The following COL5A1 variants were observed in gnomAD, a reference collection of about 807,000 sequenced individuals.
The protein encoded by COL5A1 is collagen alpha-1(V) chain.
Under a neutral mutation model 263.7 loss-of-function variants are expected in COL5A1, and 16 were observed. That is an observed-to-expected ratio of 0.06 (90% CI 0.04 to 0.09). The LOEUF (loss-of-function observed/expected upper bound fraction) is 0.09, where lower values mean the gene tolerates loss of function less well. Ranked by LOEUF, COL5A1 falls within the 10% of genes least tolerant of loss-of-function variation. COL5A1 has a pLI of 1.00. For synonymous variants in COL5A1, 1,012 were observed against 1,004.5 expected (o/e 1.01, Z -0.14); for missense variants, 2,036 against 2,540.5 (o/e 0.80, Z 4.27).
rs1838938918 is a variant in COL5A1 at position 134,820,217 on chromosome 9, A to T, written c.4548A>T (p.Gly1516=). ...CCCAGGGCTCCTCCGGTCCTAAGGGAGAACAGGTGCGTGAGATGGCACTTC... is the reference window on the plus strand; with the variant it reads ...CCCAGGGCTCCTCCGGTCCTAAGGGTGAACAGGTGCGTGAGATGGCACTTC... ...PGPQGSSGPK[G]EQGITGPSGP... is the part of the protein sequence containing the mutation. The change falls in exon 58 of 66, where the codon GGA becomes GGT. Residue 1516 remains glycine, a synonymous_variant. Transcript: ENST00000371817. 1.9e-6 allele frequency: 3 copies of T among 1,613,098 alleles called. No homozygotes were observed. The highest frequency in any genetic ancestry group is 1.7e-6 in the Non-Finnish European group (2 of 1,179,462).
chr9:134,787,493 C>A (rs1837504779), intron 31 of COL5A1, among the ~76,000 whole-genome samples: 1 of 152,208 alleles, frequency 6.6e-6, no homozygotes, highest in Non-Finnish European at 1.5e-5. Context: ...CAAATAGAGA[C>A]CTGCCAAAGA....
In COL5A1 at chr9:134,772,845, G is replaced by A. The variant is rs753145256; in HGVS notation, c.2331+11G>A. ...GAGAAAGGAGGTCAGGTGGGTGCTCGCCACGCCCTCCTACCCTTCAGCATC... is the reference window on the plus strand; with the variant it reads ...GAGAAAGGAGGTCAGGTGGGTGCTCACCACGCCCTCCTACCCTTCAGCATC... On this transcript the variant is annotated intron_variant, in intron 26 of 65. Coordinates refer to ENST00000371817, the MANE Select transcript of COL5A1 (RefSeq NM_000093.5). The A allele has an allele frequency of 1.1e-5, 18 of 1,613,388 alleles. No homozygotes were observed. Among genetic ancestry groups the A allele is most frequent in the Middle Eastern group, 1.7e-4 (1 of 5,924 alleles).
intron 22 of COL5A1, 45 bp from the exon 23 acceptor site, chr9:134,766,955 A>G: frequency 6.4e-7 from 1 of 1,569,532 alleles, no homozygotes; most frequent in Non-Finnish European, 8.7e-7. Context: ...AAGGGGATAC[A>G]GTTCCCAGAG....
Position 134,758,303 on chromosome 9 carries a change from A to G in COL5A1, c.1935+7A>G. On this transcript the variant is annotated splice_region_variant and intron_variant, in intron 18 of 65. Transcript: ENST00000371817. The surrounding 1 kb of genome is among the most constrained non-coding windows in gnomAD (Gnocchi z 4.1). The stretch of plus-strand genomic sequence containing the variant: ...AGGCGAGAAGGGCCACAGGGTGAGT[A>G]TTTCCTCTGTGAGACACAGGCATGA... 1 of 1,613,798 alleles carries G rather than the reference A, an allele frequency of 6.2e-7. No homozygotes were observed. The highest frequency in any genetic ancestry group is 8.5e-7 in the Non-Finnish European group (1 of 1,179,858).
Position 134,681,598 on chromosome 9 carries a change from G to A in COL5A1, c.110-9314G>A, listed in dbSNP as rs891125871. Reference sequence around the variant, plus strand: ...CCAGAGTGGAATAGCGCTTGGGACTGGGGTGGACTGGGCACTGAGGGTGAC... The same window carrying A: ...CCAGAGTGGAATAGCGCTTGGGACTAGGGTGGACTGGGCACTGAGGGTGAC... On this transcript the variant is annotated intron_variant, in intron 1 of 65. Coordinates refer to ENST00000371817, the MANE Select transcript of COL5A1 (RefSeq NM_000093.5). The surrounding 1 kb of genome is among the most constrained non-coding windows in gnomAD (Gnocchi z 4.3). 1.3e-5 allele frequency among the ~76,000 whole-genome samples: 2 copies of A among 152,160 alleles called. No individual in the cohort carries two copies. The highest frequency in any genetic ancestry group is 2.9e-5 in the Non-Finnish European group (2 of 68,018).
rs1183373137 is a variant in COL5A1 at position 134,835,000 on chromosome 9, T to A, written c.5166T>A (p.Pro1722=). The A allele has an allele frequency of 6.2e-7, 1 of 1,613,724 alleles. No homozygotes were observed. Among genetic ancestry groups the A allele is most frequent in the Non-Finnish European group, 8.5e-7 (1 of 1,180,006 alleles). The change falls in exon 65 of 66, where the codon CCT becomes CCA. Residue 1722 remains proline, a synonymous_variant. Coordinates refer to ENST00000371817, the MANE Select transcript of COL5A1 (RefSeq NM_000093.5). ...LLSYVDAEGN[P]VGVVQMTFLR... ...CCTATGTGGACGCCGAGGGCAACCC[T>A]GTGGGTGTGGTACAGATGACCTTCC...
chr9:134,700,147 G>A lies in COL5A1; in HGVS notation c.491+25G>A. On this transcript the variant is annotated intron_variant, in intron 3 of 65. Transcript: ENST00000371817. The surrounding 1 kb of genome is among the most constrained non-coding windows in gnomAD (Gnocchi z 4.0). ...AGTAAGTGGGCACTTCTGGGCAACT[G>A]TCCCCCTGCTGGAGGGGGGATCAGG... The A allele has an allele frequency of 1.3e-6, 2 of 1,594,768 alleles. No homozygotes were observed. The highest frequency in any genetic ancestry group is 1.3e-5 in the African/African-American group (1 of 74,920).
Position 134,768,446 on chromosome 9 carries a change from G to A in COL5A1, c.2269G>A (p.Gly757Ser), listed in dbSNP as rs1464394247. The change falls in exon 25 of 66, where the codon GGT (glycine) becomes AGT (serine). Residue 757 changes from glycine (G) to serine (S), a missense_variant. By Grantham distance (56) the Gly-to-Ser change is moderately conservative. Transcript: ENST00000371817. The stretch of plus-strand genomic sequence containing the variant: ...GAAACCAGGCCTTCCAGGAATGCCC[G>A]GTGCTGACGGACCCCCGGTGAGTAG... ...LGKPGLPGMP[G>S]ADGPPGHPGK... is the part of the protein sequence containing the mutation. 7 of 1,613,964 alleles carry A rather than the reference G, an allele frequency of 4.3e-6. No individual in the cohort carries two copies. Among genetic ancestry groups the A allele is most frequent in the Non-Finnish European group, 5.9e-6 (7 of 1,180,024 alleles).
intron 18 of COL5A1, among the ~76,000 whole-genome samples, chr9:134,759,058 C>T (rs989327458): frequency 5.9e-5 from 9 of 152,072 alleles, no homozygotes; most frequent in Non-Finnish European, 1.3e-4. Flanking sequence ...CTTTCTCAGC[C>T]CATTTGGGGG....
At chr9:134,738,579 A>C in intron 10 of COL5A1, 64 bp downstream of exon 10, 1 of 1,596,924 alleles carries the variant, frequency 6.3e-7, no homozygotes, top group Non-Finnish European at 8.6e-7. Context: ...GGTTGGTGAC[A>C]CCCCTTATGT....
intron 35 of COL5A1, 137 bp from the exon 36 acceptor site, chr9:134,796,711 G>A (rs956419916): frequency 5.7e-6 from 5 of 875,090 alleles, no homozygotes; most frequent in African/African-American, 3.3e-5. Flanking sequence ...GGGAGGGGCT[G>A]GAATAATGGA....
chr9:134,775,927 C>T (rs941072522), intron 27 of COL5A1, among the ~76,000 whole-genome samples: 16 of 152,296 alleles, frequency 1.1e-4, no homozygotes, highest in African/African-American at 3.6e-4. Flanking sequence ...TCGTCTGCTC[C>T]GAATCAACCC....
In COL5A1 at chr9:134,744,729, A is replaced by T. The variant is rs189498073; in HGVS notation, c.1495-5813A>T. The stretch of plus-strand genomic sequence containing the variant: ...CATGCTCTCACACAGTTACACACAC[A>T]TGCACTCACACACCTGCACACACAT... On this transcript the variant is annotated intron_variant, in intron 11 of 65. Transcript: ENST00000371817. Among the ~76,000 whole-genome samples the T allele has an allele frequency of 2.6e-5, 4 of 151,746 alleles. 1 individual carries two copies. The highest frequency in any genetic ancestry group is 5.9e-5 in the Non-Finnish European group (4 of 67,970).
intron 13 of COL5A1, among the ~76,000 whole-genome samples, chr9:134,751,526 G>A (rs1835780492): frequency 6.6e-6 from 1 of 152,208 alleles, no homozygotes; most frequent in Admixed American, 6.5e-5. Flanking sequence ...CTCAGCCTGG[G>A]GGGTCCTAAG....
chr9:134,794,993 A>G lies in COL5A1; in HGVS notation c.2701-89A>G. Reference sequence around the variant, plus strand: ...GTTCCTCCTATCCTGCTCTGAATTCACAGTCTCTCAATAACCCGGGAGACA... The same window carrying G: ...GTTCCTCCTATCCTGCTCTGAATTCGCAGTCTCTCAATAACCCGGGAGACA... On this transcript the variant is annotated intron_variant, in intron 32 of 65. Transcript: ENST00000371817. This position sits in a 1 kb window ranked among gnomAD's most constrained non-coding sequence, Gnocchi z 4.3. 3 of 1,432,738 alleles carry G rather than the reference A, an allele frequency of 2.1e-6. 1 individual carries two copies. Among genetic ancestry groups the G allele is most frequent in the Non-Finnish European group, 2.9e-6 (3 of 1,018,664 alleles). 88.8% of individuals were successfully genotyped at this position (1,432,738 alleles called of 1,614,324 possible).
intron 36 of COL5A1, among the ~76,000 whole-genome samples, chr9:134,797,731 C>T (rs952229266): frequency 4.6e-5 from 7 of 152,188 alleles, no homozygotes; most frequent in African/African-American, 1.7e-4. Context: ...GATCCACCTG[C>T]CTCGGCCTCC....
intron 2 of COL5A1, among the ~76,000 whole-genome samples, chr9:134,697,983 C>T (rs953862994): frequency 2.0e-5 from 3 of 152,142 alleles, no homozygotes; most frequent in Admixed American, 6.5e-5. Flanking sequence ...ACTTGGGAGG[C>T]TGAGGCAAGA....
intron 1 of COL5A1, among the ~76,000 whole-genome samples, chr9:134,670,791 C>G (rs1022957106): frequency 6.6e-6 from 1 of 152,244 alleles, no homozygotes; most frequent in African/African-American, 2.4e-5. Flanking sequence ...CCCTCCTTCC[C>G]TCCCTTTCTC....
chr9:134,689,459 G>A (rs1007710510), intron 1 of COL5A1, among the ~76,000 whole-genome samples: 2 of 152,162 alleles, frequency 1.3e-5, no homozygotes, highest in Non-Finnish European at 2.9e-5. Context: ...ATTGGCATTA[G>A]CATAAAGAGG....
Sources: gnomAD v4.1 joint callset for allele counts (sites outside exome capture counted in the v4.1 genomes callset) on GRCh38, gnomAD v4.1.1 for gene constraint, Gnocchi (gnomAD v3.1) non-coding constraint, MANE v1.5 for transcripts, NCBI Gene and HGNC (gene_info 2026-07-23, HGNC 2026-07-21) for gene names.